Variants in GLP2R observed in about 807,000 individuals in gnomAD.
GLP2R encodes glucagon-like peptide 2 receptor.
In GLP2R, 59 loss-of-function variants were observed where a neutral mutation model predicts 68.2. The observed-to-expected ratio is 0.87, with a 90% CI of 0.70 to 1.07. GLP2R has a LOEUF of 1.07. Among genes scored for constraint, GLP2R ranks in the 50% least tolerant of loss-of-function variants. GLP2R has a pLI of 0.00. For synonymous variants in GLP2R, 270 were observed against 265.4 expected (o/e 1.02, Z -0.17); for missense variants, 548 against 677.4 (o/e 0.81, Z 2.12).
chr17:9,887,860 G>A (rs753661884), intron 11 of GLP2R, 72 bp from the exon 12 acceptor site: 1 of 1,084,984 alleles, frequency 9.2e-7, no homozygotes, highest in Non-Finnish European at 1.4e-6. Context: ...CAGGGCTTTG[G>A]ACGTTGCCAG....
chr17:9,871,547 T>C (rs1382437094), intron 10 of GLP2R, among the ~76,000 whole-genome samples: 2 of 152,102 alleles, frequency 1.3e-5, no homozygotes, highest in Admixed American at 6.6e-5. Context: ...CCTTTAATTG[T>C]GACTTGTTGT....
intron 6 of GLP2R, among the ~76,000 whole-genome samples, chr17:9,859,628 T>TAAA (rs150895787): frequency 3.6e-4 from 45 of 123,650 alleles, no homozygotes; most frequent in South Asian, 1.1e-3. Flanking sequence ...CTGTGTCTAC[T>TAAA]AAAAAAAAAT....
chr17:9,883,400 T>A (rs1597405629), intron 11 of GLP2R, among the ~76,000 whole-genome samples: 1 of 151,644 alleles, frequency 6.6e-6, no homozygotes, highest in South Asian at 2.1e-4. Flanking sequence ...CATAGGAGAG[T>A]CCCAGAAGGA....
chr17:9,871,322 C>A (rs1036801468), intron 10 of GLP2R, among the ~76,000 whole-genome samples: 1 of 150,602 alleles, frequency 6.6e-6, no homozygotes, highest in South Asian at 2.1e-4. Flanking sequence ...CCACTGCACT[C>A]CAGCCTGGGT....
intron 9 of GLP2R, among the ~76,000 whole-genome samples, chr17:9,864,527 T>C (rs2067017486): frequency 6.6e-6 from 1 of 152,012 alleles, no homozygotes; most frequent in Admixed American, 6.6e-5. Context: ...TTGTTTTTTG[T>C]TTTTTGTTTT....
intron 4 of GLP2R, among the ~76,000 whole-genome samples, chr17:9,849,170 TG>T (rs1446270142): frequency 6.6e-6 from 1 of 151,946 alleles, no homozygotes; most frequent in Non-Finnish European, 1.5e-5. Context: ...TTTGAAATAT[TG>T]AAACATATAG....
At chr17:9,874,261 G>T (rs534675260) in intron 10 of GLP2R, among the ~76,000 whole-genome samples, 37 of 152,252 alleles carry the variant, frequency 2.4e-4, no homozygotes, top group African/African-American at 8.4e-4. Flanking sequence ...ATGATCCAGG[G>T]TGACTGCTTT....
intron 3 of GLP2R, 77 bp downstream of exon 3, chr17:9,836,552 G>A (rs970559069): frequency 4.1e-5 from 33 of 799,658 alleles, no homozygotes; most frequent in Admixed American, 7.4e-5. Flanking sequence ...AACAGTCCCC[G>A]TCTAAGCTCT....
chr17:9,837,108 G>A (rs776553498), intron 3 of GLP2R, among the ~76,000 whole-genome samples: 8 of 152,180 alleles, frequency 5.3e-5, no homozygotes, highest in Non-Finnish European at 1.0e-4. Context: ...ACCCGCCTCC[G>A]CCTCCCAAAG....
chr17:9,830,995 T>A (rs920482334), intron 1 of GLP2R, among the ~76,000 whole-genome samples: 1 of 152,242 alleles, frequency 6.6e-6, no homozygotes, highest in Non-Finnish European at 1.5e-5. Context: ...GCTTTAGATA[T>A]ATCTTTTGGC....
chr17:9,849,871 C>T (rs775323576), intron 4 of GLP2R, among the ~76,000 whole-genome samples: 32 of 152,110 alleles, frequency 2.1e-4, no homozygotes, highest in Non-Finnish European at 4.4e-4. Flanking sequence ...CCTCGGCCTC[C>T]CAAAGTGCTG....
At chr17:9,889,341 A>G (rs759171704) in intron 12 of GLP2R, 29 bp from the exon 13 acceptor site, 10 of 1,509,112 alleles carry the variant, frequency 6.6e-6, no homozygotes, top group Non-Finnish European at 8.3e-6. Context: ...ACTCCAAGAC[A>G]GTAACCTCTC....
chr17:9,852,620 C>T (rs565078247), intron 4 of GLP2R: 19 of 168,022 alleles, frequency 1.1e-4, no homozygotes, highest in Admixed American at 7.7e-4. Flanking sequence ...AAATGGAAAA[C>T]GGAAAGACAA....
intron 9 of GLP2R, among the ~76,000 whole-genome samples, chr17:9,869,037 C>T (rs2067067064): frequency 1.3e-5 from 2 of 152,202 alleles, no homozygotes; most frequent in African/African-American, 2.4e-5. Flanking sequence ...CTCCATCATT[C>T]CTGCTGGCTT....
intron 12 of GLP2R, among the ~76,000 whole-genome samples, chr17:9,889,089 A>G (rs868529463): frequency 6.6e-6 from 1 of 152,014 alleles, no homozygotes; most frequent in Non-Finnish European, 1.5e-5. Flanking sequence ...GGGGCTCCTC[A>G]CCTATCAAGC....
chr17:9,861,284 T>A, intron 8 of GLP2R, 85 bp downstream of exon 8: 1 of 930,798 alleles, frequency 1.1e-6, no homozygotes, highest in Non-Finnish European at 1.8e-6. Flanking sequence ...CATTTTACCG[T>A]AGAAAATATC....
intron 3 of GLP2R, among the ~76,000 whole-genome samples, chr17:9,840,824 C>G (rs913075980): frequency 6.6e-6 from 1 of 152,116 alleles, no homozygotes; most frequent in Non-Finnish European, 1.5e-5. Flanking sequence ...CAATGGCGCT[C>G]TATGCGGGGA....
At chr17:9,849,612 T>C (rs971586201) in intron 4 of GLP2R, among the ~76,000 whole-genome samples, 4 of 134,778 alleles carry the variant, frequency 3.0e-5, no homozygotes, top group African/African-American at 5.7e-5. Context: ...TCTTTCTTTT[T>C]TTTTTTTTTT....
intron 11 of GLP2R, among the ~76,000 whole-genome samples, chr17:9,882,564 T>C (rs1047899145): frequency 1.0e-4 from 15 of 148,534 alleles, no homozygotes; most frequent in African/African-American, 3.8e-4. Context: ...CATGAGGGGG[T>C]CTGGTGGAAA....
Sources: gnomAD v4.1 joint callset for allele counts (sites outside exome capture counted in the v4.1 genomes callset) on GRCh38, gnomAD v4.1.1 for gene constraint, MANE v1.5 for transcripts, NCBI Gene and HGNC (gene_info 2026-07-23, HGNC 2026-07-21) for gene names.